Variants in GIGYF2 observed in about 807,000 individuals in gnomAD.
GIGYF2 encodes the protein GRB10-interacting GYF protein 2.
In GIGYF2, 25 loss-of-function variants were observed where a neutral mutation model predicts 208.1. The ratio of observed to expected loss-of-function variants is 0.12; its 90% CI spans 0.09 to 0.17. GIGYF2 has a LOEUF of 0.17. Ranked by LOEUF, GIGYF2 falls within the 10% of genes least tolerant of loss-of-function variation. The probability of loss-of-function intolerance (pLI) is 1.00; values close to 1 mark genes in which losing one functional copy is unlikely to be tolerated. For missense variants in GIGYF2, 1,302 were observed against 1,579.4 expected (o/e 0.82, Z 2.98); for synonymous variants, 534 against 543.8 (o/e 0.98, Z 0.25).
At chr2:232,827,410 G>A (rs1701285332) in intron 21 of GIGYF2, among the ~76,000 whole-genome samples, 1 of 152,204 alleles carries the variant, frequency 6.6e-6, no homozygotes, top group African/African-American at 2.4e-5. Context: ...TCAGAGCCTA[G>A]TGTTTTCTTT....
intron 2 of GIGYF2, chr2:232,729,723 C>T: frequency 2.6e-6 from 2 of 759,890 alleles, no homozygotes; most frequent in Non-Finnish European, 4.8e-6. Flanking sequence ...CTGATGCACT[C>T]CTCTAATTTT....
At chr2:232,785,291 G>T (rs1699875108) in intron 8 of GIGYF2, among the ~76,000 whole-genome samples, 1 of 152,170 alleles carries the variant, frequency 6.6e-6, no homozygotes. Context: ...TGTGGGTTGG[G>T]AATCTAGAAG....
chr2:232,727,969 C>T (rs1697284827), intron 2 of GIGYF2, among the ~76,000 whole-genome samples: 2 of 152,190 alleles, frequency 1.3e-5, no homozygotes, highest in South Asian at 4.1e-4. Context: ...AAAATACCCG[C>T]AACATTGAGT....
intron 14 of GIGYF2, among the ~76,000 whole-genome samples, chr2:232,798,861 A>G (rs1700303232): frequency 6.6e-6 from 1 of 151,316 alleles, no homozygotes; most frequent in South Asian, 2.1e-4. Context: ...ATTTTTAAAT[A>G]TATGGTTCAG....
intron 8 of GIGYF2, among the ~76,000 whole-genome samples, chr2:232,775,546 A>T (rs1431033589): frequency 6.6e-6 from 1 of 152,184 alleles, no homozygotes; most frequent in Non-Finnish European, 1.5e-5. Flanking sequence ...CCCAATAGAA[A>T]GTGAGGTGGA....
intron 6 of GIGYF2, 64 bp from the exon 7 acceptor site, chr2:232,760,416 G>T: frequency 1.0e-6 from 1 of 988,658 alleles, no homozygotes. Flanking sequence ...ATTAATTTAT[G>T]GTGGTGAATG....
rs1337950624 is a variant in GIGYF2 at position 232,811,316 on chromosome 2, ACTT to A, written c.1979_1981del (p.Leu660del). 7 of 1,610,882 alleles carry A rather than the reference ACTT, an allele frequency of 4.3e-6. No homozygotes were observed. Among genetic ancestry groups the A allele is most frequent in the East Asian group, 4.5e-5 (2 of 44,858 alleles). ...CTTCCCAGCAGCAGCAGCAGTTGGC[ACTT>A]CTTCTTCAACAGTTTCAGACCTTGA... On this transcript the variant is annotated inframe_deletion, in exon 17 of 29. Coordinates refer to ENST00000373563, the MANE Select transcript of GIGYF2 (RefSeq NM_001103146.3).
intron 8 of GIGYF2, among the ~76,000 whole-genome samples, chr2:232,770,493 A>T (rs1189775213): frequency 6.6e-6 from 1 of 152,236 alleles, no homozygotes; most frequent in Non-Finnish European, 1.5e-5. Flanking sequence ...GAAGAAAAAA[A>T]ACCAAATTCT....
At chr2:232,812,578 AGG>A in intron 18 of GIGYF2, 87 bp downstream of exon 18, 1 of 692,032 alleles carries the variant, frequency 1.4e-6, no homozygotes, top group South Asian at 1.6e-5. Flanking sequence ...AAAATATATT[AGG>A]TTTCTGAATC....
chr2:232,743,147 T>C (rs907934692), intron 3 of GIGYF2, among the ~76,000 whole-genome samples: 12 of 152,116 alleles, frequency 7.9e-5, no homozygotes, highest in African/African-American at 2.9e-4. Flanking sequence ...CATGGTAGAA[T>C]TGGCAGTGTT....
chr2:232,799,442 C>T (rs370950389), intron 14 of GIGYF2, among the ~76,000 whole-genome samples: 296 of 151,390 alleles, frequency 2.0e-3, no homozygotes, highest in African/African-American at 6.9e-3. Flanking sequence ...CCCAACTACT[C>T]AGGAGACTGA....
rs531828678 is a variant in GIGYF2 at position 232,853,521 on chromosome 2, C to T, written c.3832+3112C>T. 7.9e-5 allele frequency among the ~76,000 whole-genome samples: 12 copies of T among 152,334 alleles called. No homozygotes were observed. In the South Asian group the frequency reaches 2.5e-3, roughly 32 times the overall value. On this transcript the variant is annotated intron_variant, in intron 28 of 28. Transcript: ENST00000373563. ...ATCTCCTGACCTCGTGATCTGCCCG[C>T]CTTGGCCTGCCAAAGTGCTGGGATT...
chr2:232,843,121 CAT>C (rs899581177), intron 23 of GIGYF2: 3 of 144,008 alleles, frequency 2.1e-5, no homozygotes, highest in African/African-American at 5.2e-5. Context: ...TCTTTGTCCT[CAT>C]GTGTTTATGC....
chr2:232,769,960 C>A (rs1324417507), intron 8 of GIGYF2, among the ~76,000 whole-genome samples: 1 of 152,190 alleles, frequency 6.6e-6, no homozygotes, highest in African/African-American at 2.4e-5. Context: ...ATCAAAGCTA[C>A]TAATACTGCT....
intron 8 of GIGYF2, among the ~76,000 whole-genome samples, chr2:232,762,444 G>C (rs1698782878): frequency 6.6e-6 from 1 of 151,588 alleles, no homozygotes; most frequent in South Asian, 2.1e-4. Context: ...GTTGAGATGG[G>C]GTTTCACTAT....
chr2:232,794,982 C>A (rs764552322), intron 13 of GIGYF2, 38 bp downstream of exon 13: 2 of 1,449,060 alleles, frequency 1.4e-6, no homozygotes, highest in South Asian at 2.3e-5. Flanking sequence ...TCCTCTTAAA[C>A]TGCCGTAAGA....
intron 6 of GIGYF2, among the ~76,000 whole-genome samples, chr2:232,758,683 A>G (rs993851069): frequency 6.6e-6 from 1 of 152,146 alleles, no homozygotes; most frequent in South Asian, 2.1e-4. Flanking sequence ...AAAATATTTT[A>G]TATGTGTTTT....
intron 16 of GIGYF2, 93 bp downstream of exon 16, chr2:232,809,904 A>T: frequency 2.5e-6 from 2 of 801,590 alleles, no homozygotes; most frequent in Non-Finnish European, 2.2e-6. Context: ...AGTAGAGAGG[A>T]CTAACGGCTT....
At chr2:232,836,355 T>C (rs1419443366) in intron 22 of GIGYF2, among the ~76,000 whole-genome samples, 2 of 76,962 alleles carry the variant, frequency 2.6e-5, no homozygotes, top group East Asian at 7.0e-4. Context: ...TATATTTATA[T>C]ATATAAATAT....
Sources: gnomAD v4.1 joint callset for allele counts (sites outside exome capture counted in the v4.1 genomes callset) on GRCh38, gnomAD v4.1.1 for gene constraint, MANE v1.5 for transcripts, NCBI Gene and HGNC (gene_info 2026-07-23, HGNC 2026-07-21) for gene names.